The following GMDS variants were observed in gnomAD, a reference collection of about 807,000 sequenced individuals.
The protein encoded by GMDS is GDP-mannose 4,6 dehydratase.
A neutral mutation model predicts 49.9 loss-of-function variants in GMDS; 20 were observed. The ratio of observed to expected loss-of-function variants is 0.40; its 90% CI spans 0.28 to 0.58. GMDS has a LOEUF of 0.58. GMDS is among the 20% of genes least tolerant of loss of function. The pLI is 0.42. For synonymous variants in GMDS, 177 were observed against 178.6 expected, an observed-to-expected ratio of 0.99 and a Z score of 0.07; for missense variants, 362 against 481.4, an observed-to-expected ratio of 0.75 and a Z score of 2.32.
chr6:2,066,934 C>T (rs1263440907), intron 4 of GMDS, among the ~76,000 whole-genome samples: 5 of 151,980 alleles, frequency 3.3e-5, no homozygotes, highest in Admixed American at 1.3e-4. Context: ...TCTACAGAAC[C>T]CTCCACCCCA....
Position 2,045,053 on chromosome 6 carries a change from C to T in GMDS, c.345+70718G>A, listed in dbSNP as rs557688268. Reference sequence around the variant, plus strand: ...AGAGCCTTTCAGAACTTTGTTTTCACAATTGTTACTAATGTTTTGTAACTG... The same window carrying T: ...AGAGCCTTTCAGAACTTTGTTTTCATAATTGTTACTAATGTTTTGTAACTG... On this transcript the variant is annotated intron_variant, in intron 4 of 10. Transcript: ENST00000380815. 8.5e-5 allele frequency among the ~76,000 whole-genome samples: 13 copies of T among 152,234 alleles called. No individual in the cohort carries two copies. The East Asian group carries it at 2.5e-3, about 29-fold the overall frequency.
chr6:1,677,982 CT>C (rs2113299439), intron 9 of GMDS, among the ~76,000 whole-genome samples: 1 of 152,088 alleles, frequency 6.6e-6, no homozygotes, highest in South Asian at 2.1e-4. Context: ...AAAAAAATTC[CT>C]TTGTTAGCCT....
At chr6:1,865,837 G>T (rs760230016) in intron 7 of GMDS, among the ~76,000 whole-genome samples, 8 of 151,924 alleles carry the variant, frequency 5.3e-5, no homozygotes, top group Non-Finnish European at 1.0e-4. Flanking sequence ...CACACCACAG[G>T]CTCCGTGCAC....
At chr6:1,807,429 G>C (rs1325048215) in intron 7 of GMDS, among the ~76,000 whole-genome samples, 2 of 152,074 alleles carry the variant, frequency 1.3e-5, no homozygotes, top group Non-Finnish European at 2.9e-5. Context: ...TTAAGCTGAC[G>C]GATTGTTACT....
chr6:1,865,017 T>C (rs1758376798), intron 7 of GMDS, among the ~76,000 whole-genome samples: 3 of 152,238 alleles, frequency 2.0e-5, no homozygotes, highest in Non-Finnish European at 4.4e-5. Flanking sequence ...GATGTTTACA[T>C]TTTTATTGCC....
At chr6:1,803,736 AG>A (rs1161412670) in intron 7 of GMDS, among the ~76,000 whole-genome samples, 1 of 152,194 alleles carries the variant, frequency 6.6e-6, no homozygotes, top group African/African-American at 2.4e-5. Context: ...ATAAATCTGC[AG>A]GAAAACTTTT....
At position 1,635,407 on chromosome 6, in the gene GMDS, G is replaced by A. The variant is rs998678105; in HGVS notation, c.988-10867C>T. Among the ~76,000 whole-genome samples, 2 of 152,192 alleles carry A rather than the reference G, an allele frequency of 1.3e-5. No individual in the cohort carries two copies. The highest frequency in any genetic ancestry group is 4.8e-5 in the African/African-American group (2 of 41,446). ...CAACATGGCCCACTTTCATCCTCCG[G>A]CTGCAGCAGGAGGAAGTCCGAGAGG... On this transcript the variant is annotated intron_variant, in intron 9 of 10. Transcript: ENST00000380815. The surrounding 1 kb of genome is among the most constrained non-coding windows in gnomAD (Gnocchi z 4.7).
At chr6:1,827,114 GTGTGTGTA>G (rs1467698416) in intron 7 of GMDS, among the ~76,000 whole-genome samples, 4 of 128,402 alleles carry the variant, frequency 3.1e-5, no homozygotes, top group Non-Finnish European at 5.2e-5. Context: ...GTGTGTGTGT[GTGTGTGTA>G]TGTGTATCCA....
intron 9 of GMDS, among the ~76,000 whole-genome samples, chr6:1,626,989 C>T (rs1458083624): frequency 6.6e-6 from 1 of 152,248 alleles, no homozygotes; most frequent in Non-Finnish European, 1.5e-5. Context: ...TGCAGTCTAG[C>T]TGCTTCCTTT....
At chr6:2,014,120 C>A (rs1332523939) in intron 4 of GMDS, among the ~76,000 whole-genome samples, 1 of 137,596 alleles carries the variant, frequency 7.3e-6, no homozygotes, top group African/African-American at 2.7e-5. Flanking sequence ...TTATCCCCCC[C>A]CCCCAAAAAA....
chr6:1,812,527 G>T, intron 7 of GMDS, among the ~76,000 whole-genome samples: 1 of 151,952 alleles, frequency 6.6e-6, no homozygotes, highest in Non-Finnish European at 1.5e-5. Flanking sequence ...AAGGCAAGGG[G>T]GAGAGGGAGA....
intron 1 of GMDS, among the ~76,000 whole-genome samples, chr6:2,220,540 A>C (rs898146249): frequency 6.6e-5 from 10 of 152,246 alleles, no homozygotes; most frequent in African/African-American, 2.2e-4. Flanking sequence ...AGACAACTAC[A>C]GACTGTCCAC....
At chr6:1,731,016 C>T (rs188994425) in intron 8 of GMDS, among the ~76,000 whole-genome samples, 122 of 152,216 alleles carry the variant, frequency 8.0e-4, no homozygotes, top group African/African-American at 2.8e-3. Context: ...CCACCTTTGA[C>T]GTCCTCAGAC....
At chr6:2,005,517 C>T (rs183371141) in intron 4 of GMDS, among the ~76,000 whole-genome samples, 1 of 152,310 alleles carries the variant, frequency 6.6e-6, no homozygotes. Flanking sequence ...TTCGTTTCTG[C>T]TGGCTCATTT....
intron 4 of GMDS, among the ~76,000 whole-genome samples, chr6:1,966,013 T>C (rs895372507): frequency 2.0e-5 from 3 of 152,250 alleles, no homozygotes; most frequent in Admixed American, 6.5e-5. Context: ...CATAGCCCTA[T>C]AAACATTCAT....
intron 7 of GMDS, among the ~76,000 whole-genome samples, chr6:1,917,683 T>G (rs1244885587): frequency 6.6e-6 from 1 of 152,220 alleles, no homozygotes; most frequent in East Asian, 1.9e-4. Flanking sequence ...CTTTTTCTGT[T>G]GAGACAAAGT....
rs534303405 is a variant in GMDS, at chr6:2,123,109, G to T, written c.147+1578C>A. 6.6e-5 allele frequency among the ~76,000 whole-genome samples: 10 copies of T among 152,280 alleles called. No individual in the cohort carries two copies. The South Asian group carries it at 1.9e-3, about 28-fold the overall frequency. On this transcript the variant is annotated intron_variant, in intron 2 of 10. Transcript: ENST00000380815. ...CCTTAACAAGGGACACCTAAATGGA[G>T]ATCTGCTTCTCTGCCTTTTCCAGTA... is the stretch of plus-strand genomic sequence containing the variant.
intron 4 of GMDS, among the ~76,000 whole-genome samples, chr6:1,982,898 A>G (rs1303493150): frequency 6.6e-6 from 1 of 152,162 alleles, no homozygotes; most frequent in Non-Finnish European, 1.5e-5. Context: ...ATATGGAACC[A>G]AAAAAAGATT....
chr6:1,994,786 C>T (rs891155319), intron 4 of GMDS, among the ~76,000 whole-genome samples: 1 of 151,882 alleles, frequency 6.6e-6, no homozygotes, highest in Non-Finnish European at 1.5e-5. Flanking sequence ...GGATACATGG[C>T]CTGCAAAGAC....
Sources: allele counts gnomAD v4.1 joint callset (sites outside exome capture counted in the v4.1 genomes callset), GRCh38; gene constraint gnomAD v4.1.1; non-coding constraint Gnocchi (gnomAD v3.1); transcripts MANE v1.5; gene names NCBI Gene and HGNC (gene_info 2026-07-23, HGNC 2026-07-21).